Variants in CSMD1 observed in about 807,000 individuals in gnomAD.
CSMD1 encodes the protein CUB and Sushi multiple domains 1, also known as CUB and sushi domain-containing protein 1.
Under a neutral mutation model 417.5 loss-of-function variants are expected in CSMD1, and 213 were observed. That is an observed-to-expected ratio of 0.51 (90% confidence interval 0.46 to 0.57). The LOEUF (loss-of-function observed/expected upper bound fraction) is 0.57. Ranked by LOEUF, CSMD1 falls within the 20% of genes least tolerant of loss-of-function variation. The pLI is 0.00. For missense variants in CSMD1, 6,923 were observed against 4,529.7 expected (o/e 1.53, Z -15.17); for synonymous variants, 2,862 against 1,736.8 (o/e 1.65, Z -16.11).
intron 3 of CSMD1, among the ~76,000 whole-genome samples, chr8:4,295,454 C>G (rs910862363): frequency 4.2e-5 from 6 of 142,650 alleles, no homozygotes; most frequent in South Asian, 4.5e-4. Context: ...TCTTATTATA[C>G]ACATATAATC....
At chr8:3,372,482 G>A (rs914367353) in intron 18 of CSMD1, among the ~76,000 whole-genome samples, 2 of 152,160 alleles carry the variant, frequency 1.3e-5, no homozygotes, top group African/African-American at 2.4e-5. Context: ...AGGTGGTCAG[G>A]ACCCCGAACC....
chr8:3,658,190 TA>T (rs1798225928), intron 7 of CSMD1, among the ~76,000 whole-genome samples: 3 of 152,104 alleles, frequency 2.0e-5, no homozygotes, highest in Non-Finnish European at 4.4e-5. Context: ...ATTTTCTATG[TA>T]AACTGTATTC....
chr8:4,801,696 C>G (rs1798294316), intron 1 of CSMD1, among the ~76,000 whole-genome samples: 5 of 151,804 alleles, frequency 3.3e-5, no homozygotes, highest in Admixed American at 2.0e-4. Context: ...TCCTTCTACA[C>G]AAGGCAGCCT....
chr8:3,260,579 A>G (rs1800989851), intron 26 of CSMD1, among the ~76,000 whole-genome samples: 1 of 152,084 alleles, frequency 6.6e-6, no homozygotes, highest in African/African-American at 2.4e-5. Flanking sequence ...TCCACCGAGA[A>G]CAAACCCCCC....
At chr8:4,144,187 A>T (rs943465908) in intron 3 of CSMD1, among the ~76,000 whole-genome samples, 3 of 151,050 alleles carry the variant, frequency 2.0e-5, no homozygotes, top group Admixed American at 2.0e-4. Flanking sequence ...AATTGGCCTT[A>T]GACCTCCTGC....
chr8:4,056,406 T>C (rs1246825570), intron 3 of CSMD1, among the ~76,000 whole-genome samples: 1 of 151,886 alleles, frequency 6.6e-6, no homozygotes, highest in East Asian at 1.9e-4. Flanking sequence ...TCTTTTTTTT[T>C]TCTTTTTTTT....
chr8:4,235,610 A>G lies in CSMD1; in HGVS notation c.415+184343T>C, dbSNP rs966811201. Among the ~76,000 whole-genome samples the G allele has an allele frequency of 5.9e-5, 9 of 152,226 alleles. No homozygotes were observed. In the East Asian group the frequency reaches 1.7e-3, roughly 29 times the overall value. On this transcript the variant is annotated intron_variant, in intron 3 of 69. Transcript: ENST00000635120. ...AGTCTTTTCTCTCAGGGATCTCATG[A>G]CACTGGCCTGCTCAACTTACTGAGG...
chr8:3,128,528 T>G (rs1183870841), intron 41 of CSMD1: 4 of 264,142 alleles, frequency 1.5e-5, no homozygotes, highest in African/African-American at 2.3e-5. Context: ...GAGTTATTAA[T>G]TATAAGCTTA....
At position 3,439,309 on chromosome 8, in the gene CSMD1, A is replaced by ATATATATATTTTT; in HGVS notation, c.1561+29402_1561+29403insAAAAATATATATA. Among the ~76,000 whole-genome samples, 552 of 62,202 alleles carry ATATATATATTTTT rather than the reference A, an allele frequency of 8.9e-3. 7 individuals carry two copies. The highest frequency in any genetic ancestry group is 0.012 in the South Asian group (16 of 1,324). 40.8% of individuals were successfully genotyped at this position (62,202 alleles called of 152,430 possible). ...TATATATATATATATATATATATAT[A>ATATATATATTTTT]TTTTTTTTTTTAATATGTATTTTTA... On this transcript the variant is annotated intron_variant, in intron 12 of 69. Transcript: ENST00000635120.
At chr8:3,733,880 G>A (rs2129048401) in intron 6 of CSMD1, among the ~76,000 whole-genome samples, 1 of 152,150 alleles carries the variant, frequency 6.6e-6, no homozygotes, top group African/African-American at 2.4e-5. Flanking sequence ...TTTATCATGG[G>A]TACAAAGTAC....
At chr8:4,253,575 T>G (rs1354859584) in intron 3 of CSMD1, among the ~76,000 whole-genome samples, 1 of 152,152 alleles carries the variant, frequency 6.6e-6, no homozygotes, top group Admixed American at 6.6e-5. Context: ...TCTGGTATAC[T>G]TCAAAGCAGT....
intron 10 of CSMD1, among the ~76,000 whole-genome samples, chr8:3,541,755 A>T (rs1284059385): frequency 6.7e-6 from 1 of 149,770 alleles, no homozygotes; most frequent in Non-Finnish European, 1.5e-5. Flanking sequence ...AAATATATAT[A>T]AACAAAATAA....
intron 5 of CSMD1, among the ~76,000 whole-genome samples, chr8:3,790,929 A>T (rs7000369): frequency 0.56 from 85,496 of 152,006 alleles, 25,895 homozygotes; most frequent in Non-Finnish European, 0.68. Context: ...TAAGAGCAAC[A>T]GATGACACCT....
intron 5 of CSMD1, among the ~76,000 whole-genome samples, chr8:3,860,664 AT>A (rs1804638831): frequency 6.6e-6 from 1 of 152,172 alleles, no homozygotes; most frequent in Non-Finnish European, 1.5e-5. Flanking sequence ...GTTAATTATT[AT>A]TTTTCTTATT....
Position 3,230,076 on chromosome 8 carries a change from G to A in CSMD1, c.4309C>T (p.Arg1437Trp), listed in dbSNP as rs776412760. ...GGAGGGTCTGGTTGCCAAAAGAACC[G>A]GTTATTCAGCTGCACACAGGTGATT... ...AKITCVQLNN[R>W]FFWQPDPPTC... Residue 1437 changes from arginine (R) to tryptophan (W), a missense_variant, in exon 27 of 70, where the codon CGG becomes TGG. Arg to Trp is a moderately radical substitution (Grantham distance 101). Coordinates refer to ENST00000635120, the MANE Select transcript of CSMD1 (RefSeq NM_033225.6). 2.5e-6 allele frequency: 4 copies of A among 1,610,792 alleles called. No homozygotes were observed. Among genetic ancestry groups the A allele is most frequent in the East Asian group, 2.2e-5 (1 of 44,800 alleles).
intron 3 of CSMD1, among the ~76,000 whole-genome samples, chr8:4,262,763 A>G (rs1264381912): frequency 2.6e-5 from 4 of 152,016 alleles, no homozygotes; most frequent in Non-Finnish European, 4.4e-5. Context: ...TTCCTTGCAA[A>G]CTCAGCTATG....
intron 7 of CSMD1, among the ~76,000 whole-genome samples, chr8:3,665,415 G>C (rs181539430): frequency 2.6e-5 from 4 of 152,160 alleles, no homozygotes; most frequent in East Asian, 3.9e-4. Context: ...AGTAATACCA[G>C]CTACTCCGGA....
At chr8:4,159,073 G>A (rs1182840455) in intron 3 of CSMD1, among the ~76,000 whole-genome samples, 3 of 151,960 alleles carry the variant, frequency 2.0e-5, no homozygotes, top group African/African-American at 7.3e-5. Flanking sequence ...GCACCACCAG[G>A]CCCAGCTAAT....
chr8:3,873,924 C>G (rs578225204), intron 5 of CSMD1, among the ~76,000 whole-genome samples: 1 of 152,168 alleles, frequency 6.6e-6, no homozygotes. Flanking sequence ...ACAACTAGAT[C>G]TGACTTTGGA....
Sources: allele counts gnomAD v4.1 joint callset (sites outside exome capture counted in the v4.1 genomes callset), GRCh38; gene constraint gnomAD v4.1.1; transcripts MANE v1.5; gene names NCBI Gene and HGNC (gene_info 2026-07-23, HGNC 2026-07-21).